MAL2: variants seen among roughly 807,000 people sequenced by gnomAD.
MAL2 encodes the protein mal, T cell differentiation protein 2.
A neutral mutation model predicts 18.1 loss-of-function variants in MAL2; 17 were observed. The observed-to-expected ratio is 0.94, with a 90% CI of 0.64 to 1.41. MAL2 has a LOEUF of 1.41. MAL2 is among the 40% of genes most tolerant of loss of function. The probability of loss-of-function intolerance (pLI) is 0.00; values close to 1 mark genes in which losing one functional copy is unlikely to be tolerated. For missense variants in MAL2, 222 were observed against 231.9 expected, an observed-to-expected ratio of 0.96 and a Z score of 0.28; for synonymous variants, 102 against 102.3, an observed-to-expected ratio of 1.00 and a Z score of 0.02.
chr8:119,215,296 G>A (rs1817331079), intron 1 of MAL2: 1 of 152,180 alleles, frequency 6.6e-6, no homozygotes, highest in Admixed American at 6.5e-5. Context: ...CCATGAACCA[G>A]GGAGTGAGCT....
At chr8:119,237,903 A>G (rs1348017504) in intron 2 of MAL2, among the ~76,000 whole-genome samples, 1 of 152,188 alleles carries the variant, frequency 6.6e-6, no homozygotes, top group Non-Finnish European at 1.5e-5. Context: ...CTCTCTCACC[A>G]TTCCTATTCA....
chr8:119,230,654 CTT>C (rs778212304), intron 2 of MAL2, among the ~76,000 whole-genome samples: 5 of 152,138 alleles, frequency 3.3e-5, no homozygotes, highest in South Asian at 2.1e-4. Flanking sequence ...CACCAAATCT[CTT>C]TATTTAAAGA....
At chr8:119,236,480 A>G (rs938243885) in intron 2 of MAL2, among the ~76,000 whole-genome samples, 1 of 151,008 alleles carries the variant, frequency 6.6e-6, no homozygotes, top group African/African-American at 2.4e-5. Context: ...CCCCAAATCA[A>G]CAGAATATAC....
intron 2 of MAL2, among the ~76,000 whole-genome samples, chr8:119,227,116 C>T (rs1330320164): frequency 6.6e-6 from 1 of 152,122 alleles, no homozygotes; most frequent in Non-Finnish European, 1.5e-5. Flanking sequence ...CAGTTGCTGT[C>T]AAAGAGTTTG....
intron 2 of MAL2, among the ~76,000 whole-genome samples, chr8:119,234,666 G>A (rs1378324993): frequency 2.6e-5 from 4 of 151,794 alleles, no homozygotes; most frequent in Admixed American, 2.0e-4. Context: ...CCCCGGAACA[G>A]CCTAACTGGG....
chr8:119,217,969 C>T (rs544314987), intron 1 of MAL2, among the ~76,000 whole-genome samples: 15 of 152,094 alleles, frequency 9.9e-5, no homozygotes, highest in South Asian at 4.2e-4. Flanking sequence ...TAAGTTGGAG[C>T]CAAGTTGGGA....
chr8:119,239,661 A>G (rs1369479307), intron 2 of MAL2, among the ~76,000 whole-genome samples: 3 of 151,752 alleles, frequency 2.0e-5, no homozygotes, highest in African/African-American at 4.9e-5. Context: ...TCAGTAAACT[A>G]TCGCAAGAAC....
chr8:119,211,671 A>C (rs1271787956), intron 1 of MAL2, among the ~76,000 whole-genome samples: 1 of 151,058 alleles, frequency 6.6e-6, no homozygotes, highest in East Asian at 1.9e-4. Context: ...TAAGTGGAGA[A>C]TATTACAATC....
chr8:119,208,554 G>T lies in MAL2; in HGVS notation c.82G>T (p.Gly28Cys), dbSNP rs1443505090. The stretch of plus-strand genomic sequence containing the variant: ...GCCGCCCCGGGTCACCCTGCCCGCC[G>T]GCCCCGACATCCTGCGGACCTACTC... ...FPPPRVTLPAGPDILRTYSGA... is the reference protein window; with the variant it reads ...FPPPRVTLPACPDILRTYSGA... The change falls in exon 1 of 4, where the codon GGC (glycine) becomes TGC (cysteine). Residue 28 changes from glycine to cysteine, a missense_variant. Coordinates refer to ENST00000614891, the MANE Select transcript of MAL2 (RefSeq NM_052886.3). This position sits in a 1 kb window ranked among gnomAD's most constrained non-coding sequence, Gnocchi z 4.3. 1.4e-6 allele frequency: 2 copies of T among 1,397,514 alleles called. No homozygotes were observed. Among genetic ancestry groups the T allele is most frequent in the Non-Finnish European group, 1.9e-6 (2 of 1,070,660 alleles). The allele number at this position is 1,397,514 out of a possible 1,614,324, so 86.6% of individuals were successfully genotyped here. A position where few individuals can be genotyped will look rare whatever the true frequency, so the allele number is the denominator to read the frequency against.
rs541152754 is a variant in MAL2, at chr8:119,244,435, GGGATCCCC to G, written c.*948_*955del. On this transcript the variant is annotated 3_prime_UTR_variant, in exon 4 of 4. Coordinates refer to ENST00000614891, the MANE Select transcript of MAL2 (RefSeq NM_052886.3). The stretch of plus-strand genomic sequence containing the variant: ...ATCCTCATCTGAGAGTGCTTAAAAT[GGGATCCCC>G]AGAGACCATTAACCAATACTGGAAC... 1.0e-3 allele frequency: 154 copies of G among 152,230 alleles called. 2 individuals carry two copies. The highest frequency in any genetic ancestry group is 3.6e-3 in the African/African-American group (149 of 41,556). 9.4% of individuals were successfully genotyped at this position (152,230 alleles called of 1,614,324 possible). A position where few individuals can be genotyped will look rare whatever the true frequency, so the allele number is the denominator to read the frequency against.
At chr8:119,234,591 C>A (rs1367280270) in intron 2 of MAL2, among the ~76,000 whole-genome samples, 1 of 151,996 alleles carries the variant, frequency 6.6e-6, no homozygotes, top group South Asian at 2.1e-4. Context: ...AGTGGTTCTC[C>A]CAGCATGCAG....
At chr8:119,237,592 G>A (rs530194083) in intron 2 of MAL2, among the ~76,000 whole-genome samples, 5 of 151,832 alleles carry the variant, frequency 3.3e-5, no homozygotes, top group East Asian at 1.9e-4. Flanking sequence ...TATCCACCAT[G>A]ATCAAGTGGG....
chr8:119,243,305 C>A, intron 3 of MAL2, 112 bp from the exon 4 acceptor site: 2 of 605,460 alleles, frequency 3.3e-6, no homozygotes, highest in Non-Finnish European at 5.2e-6. Context: ...TTGTAAGTGT[C>A]GAAGTATCTT....
At chr8:119,239,092 A>G (rs1261666976) in intron 2 of MAL2, among the ~76,000 whole-genome samples, 1 of 152,104 alleles carries the variant, frequency 6.6e-6, no homozygotes, top group Non-Finnish European at 1.5e-5. Context: ...AAAAAAAACA[A>G]CCCCATCAAA....
At chr8:119,225,055 C>T (rs989591151) in intron 2 of MAL2, among the ~76,000 whole-genome samples, 2 of 151,762 alleles carry the variant, frequency 1.3e-5, no homozygotes, top group African/African-American at 2.4e-5. Flanking sequence ...ATAGACGATG[C>T]AGCTTTTTTT....
At chr8:119,209,235 T>C (rs1817233769) in intron 1 of MAL2, 1 of 152,580 alleles carries the variant, frequency 6.6e-6, no homozygotes, top group African/African-American at 2.4e-5. Context: ...CAGTTTCTAA[T>C]CCAGTGGGTG....
At chr8:119,233,897 C>T (rs943034131) in intron 2 of MAL2, among the ~76,000 whole-genome samples, 20 of 152,152 alleles carry the variant, frequency 1.3e-4, no homozygotes, top group Non-Finnish European at 2.1e-4. Flanking sequence ...AGACCAATAT[C>T]CTTGATGAAC....
intron 1 of MAL2, among the ~76,000 whole-genome samples, chr8:119,217,032 A>G (rs986538449): frequency 6.6e-6 from 1 of 152,256 alleles, no homozygotes; most frequent in African/African-American, 2.4e-5. Flanking sequence ...AGAATCTGTA[A>G]TTCATGCACC....
chr8:119,244,151 TTA>T lies in MAL2; in HGVS notation c.*669_*670del, dbSNP rs1818105942. On this transcript the variant is annotated 3_prime_UTR_variant, in exon 4 of 4. Transcript: ENST00000614891. Reference sequence around the variant, plus strand: ...GTCAACCACTGGTGTAAAACCTTAGTTATATATGATCTGCATTTTCTTGAACT... The same window carrying T: ...GTCAACCACTGGTGTAAAACCTTAGTTATATGATCTGCATTTTCTTGAACT... 1 of 152,200 alleles carries T rather than the reference TTA, an allele frequency of 6.6e-6. No homozygotes were observed. Among genetic ancestry groups the T allele is most frequent in the Non-Finnish European group, 1.5e-5 (1 of 68,034 alleles). The allele number at this position is 152,200 out of a possible 1,614,324, so 9.4% of individuals were successfully genotyped here.
Sources: allele counts gnomAD v4.1 joint callset (sites outside exome capture counted in the v4.1 genomes callset), GRCh38; gene constraint gnomAD v4.1.1; non-coding constraint Gnocchi (gnomAD v3.1); transcripts MANE v1.5; gene names NCBI Gene and HGNC (gene_info 2026-07-23, HGNC 2026-07-21).